Variants in NPEPL1 observed in about 807,000 individuals in gnomAD.
The protein encoded by NPEPL1 is aminopeptidase like 1.
A neutral mutation model predicts 52.4 loss-of-function variants in NPEPL1; 45 were observed. The observed-to-expected ratio is 0.86, with a 90% CI of 0.68 to 1.10. NPEPL1 has a LOEUF of 1.10. Among genes scored for constraint, NPEPL1 ranks in the 50% least tolerant of loss-of-function variants. The pLI is 0.00. For missense variants in NPEPL1, 696 were observed against 710.9 expected, an observed-to-expected ratio of 0.98 and a Z score of 0.24; for synonymous variants, 360 against 314.7, an observed-to-expected ratio of 1.14 and a Z score of -1.52.
upstream of NPEPL1, chr20:58,691,061 T>C (rs1365780218): frequency 2.4e-5 from 17 of 702,282 alleles, no homozygotes; most frequent in Middle Eastern, 4.9e-4. Context: ...AGGCCTTCTT[T>C]CTCAATCTCT....
Position 58,713,743 on chromosome 20 carries a change from G to A in NPEPL1, c.1126-174G>A, listed in dbSNP as rs988102242. 1.0e-5 allele frequency: 11 copies of A among 1,050,214 alleles called. No individual in the cohort carries two copies. The highest frequency in any genetic ancestry group is 5.8e-5 in the South Asian group (3 of 51,560). 65.1% of individuals were successfully genotyped at this position (1,050,214 alleles called of 1,614,324 possible). The stretch of plus-strand genomic sequence containing the variant: ...CAGGCTGGATGCAGAGCCGGGAACC[G>A]CCTCCTGTGTGCTTCATGGCCATGG... On this transcript the variant is annotated intron_variant, in intron 9 of 11. Transcript: ENST00000356091. The surrounding 1 kb of genome is among the most constrained non-coding windows in gnomAD (Gnocchi z 4.6).
rs1465701570 is a variant in NPEPL1, at chr20:58,714,019, C to T, written c.1228C>T (p.Pro410Ser). The change falls in exon 10 of 12, where the codon CCG becomes TCG. Residue 410 changes from proline to serine, a missense_variant. By Grantham distance (74) the Pro-to-Ser change is moderately conservative. Coordinates refer to ENST00000356091, the MANE Select transcript of NPEPL1 (RefSeq NM_024663.4). ...CAGGAAGTGTGGGGACCTGGTGCAC[C>T]CGCTGGTCTACTGCCCCGAGCTGCA... The part of the protein sequence containing the change: ...AGRKCGDLVH[P>S]LVYCPELHFS... 2 of 1,529,258 alleles carry T rather than the reference C, an allele frequency of 1.3e-6. No individual in the cohort carries two copies. The highest frequency in any genetic ancestry group is 2.8e-5 in the African/African-American group (2 of 71,464). The allele number at this position is 1,529,258 out of a possible 1,614,324, so 94.7% of individuals were successfully genotyped here.
upstream of NPEPL1, chr20:58,691,827 T>C (rs2123068352): frequency 6.5e-7 from 1 of 1,544,240 alleles, no homozygotes; most frequent in Non-Finnish European, 8.8e-7. Context: ...AATCAGGATG[T>C]TGGGTAACAG....
At chr20:58,703,924 C>T in intron 6 of NPEPL1, 1 of 985,312 alleles carries the variant, frequency 1.0e-6, no homozygotes, top group Non-Finnish European at 1.2e-6. Context: ...GGTCTGCAGA[C>T]CCCATAATAC....
At chr20:58,691,565 G>A (rs1421241972), upstream of NPEPL1, 1 of 641,914 alleles carries the variant, frequency 1.6e-6, no homozygotes, top group African/African-American at 1.8e-5. Context: ...CAGGGAAGGT[G>A]AAAGCCTGGC....
At chr20:58,698,578 C>T (rs2084540489) in intron 3 of NPEPL1, 106 bp from the exon 4 acceptor site, 2 of 882,258 alleles carry the variant, frequency 2.3e-6, no homozygotes, top group Admixed American at 1.9e-5. Context: ...CTGTCAGTAG[C>T]CCTGTGGGTG....
intron 2 of NPEPL1, 61 bp downstream of exon 2, chr20:58,693,983 C>T: frequency 6.9e-7 from 1 of 1,456,406 alleles, no homozygotes; most frequent in Non-Finnish European, 9.2e-7. Flanking sequence ...GAGCTCGGGC[C>T]TGGGGAGCTC....
rs201735479 is a variant in NPEPL1 at position 58,715,323 on chromosome 20, G to A, written c.1569G>A (p.Val523=). The A allele has an allele frequency of 7.6e-5, 122 of 1,603,666 alleles. No individual in the cohort carries two copies. In the African/African-American group the frequency reaches 1.5e-3, roughly 20 times the overall value. Residue 523 remains valine (V), a synonymous_variant, in exon 12 of 12, where the codon GTG becomes GTA. Transcript: ENST00000356091. ...LGRDSKRRRL[V] is the part of the protein sequence containing the mutation. The stretch of plus-strand genomic sequence containing the variant: ...GGGACTCCAAGAGACGCAGGCTTGT[G>A]TGAGCCTCCTGCCTCGGCCCTGACA...
chr20:58,715,011 A>G, intron 11 of NPEPL1, 157 bp from the exon 12 acceptor site: 1 of 836,644 alleles, frequency 1.2e-6, no homozygotes, highest in Non-Finnish European at 1.8e-6. Flanking sequence ...AGCCAGCAGC[A>G]TGGAAGGCTC....
Position 58,713,856 on chromosome 20 carries a change from G to T in NPEPL1, c.1126-61G>T. 7.1e-7 allele frequency: 1 copy of T among 1,400,160 alleles called. No homozygotes were observed. Among genetic ancestry groups the T allele is most frequent in the South Asian group, 1.7e-5 (1 of 59,726 alleles). The allele number at this position is 1,400,160 out of a possible 1,614,324, so 86.7% of individuals were successfully genotyped here. A position where few individuals can be genotyped will look rare whatever the true frequency, so the allele number is the denominator to read the frequency against. ...CTGTCTGCCTCCCGGTCCCTCTTTT[G>T]CCTTGGGTGTTTCTCTCCTGCCGTC... On this transcript the variant is annotated intron_variant, in intron 9 of 11. Transcript: ENST00000356091. This position sits in a 1 kb window ranked among gnomAD's most constrained non-coding sequence, Gnocchi z 4.6.
chr20:58,698,205 G>A (rs982111374), intron 3 of NPEPL1, among the ~76,000 whole-genome samples: 1 of 152,062 alleles, frequency 6.6e-6, no homozygotes, highest in Middle Eastern at 3.2e-3. Context: ...ATCTGGAAAA[G>A]CTACTGGTAG....
At chr20:58,689,953 T>G (rs916046596), upstream of NPEPL1, among the ~76,000 whole-genome samples, 1 of 152,220 alleles carries the variant, frequency 6.6e-6, no homozygotes. Flanking sequence ...ACGAAGCAGA[T>G]GCACCGAGGA....
intron 8 of NPEPL1, 194 bp downstream of exon 8, chr20:58,712,773 A>T (rs1168436390): frequency 1.5e-6 from 1 of 681,170 alleles, no homozygotes; most frequent in South Asian, 1.5e-5. Flanking sequence ...GGCCCATGGC[A>T]CCTGGATGAG....
At chr20:58,691,791 A>AG, upstream of NPEPL1, 1 of 1,541,120 alleles carries the variant, frequency 6.5e-7, no homozygotes, top group South Asian at 1.2e-5. Context: ...GTAACAGAGG[A>AG]GGGTACCAAC....
chr20:58,701,174 G>A lies in NPEPL1; in HGVS notation c.822+16G>A. On this transcript the variant is annotated intron_variant, in intron 6 of 11. Transcript: ENST00000356091. The stretch of plus-strand genomic sequence containing the variant: ...CAAAGGGAAGGTGAGGTGCGGGCTG[G>A]CTCTCAGGGTGCCCTGGGGGAGGGG... The A allele has an allele frequency of 6.6e-7, 1 of 1,509,056 alleles. No homozygotes were observed. Among genetic ancestry groups the A allele is most frequent in the Admixed American group, 2.1e-5 (1 of 48,352 alleles). 93.5% of individuals were successfully genotyped at this position (1,509,056 alleles called of 1,614,324 possible).
upstream of NPEPL1, chr20:58,691,717 T>TTG: frequency 1.3e-6 from 1 of 747,886 alleles, no homozygotes; most frequent in African/African-American, 1.9e-5. Context: ...TTTTTTTTCA[T>TTG]TTTTAGGCTG....
intron 7 of NPEPL1, among the ~76,000 whole-genome samples, chr20:58,709,694 G>A (rs925821060): frequency 6.6e-6 from 1 of 152,236 alleles, no homozygotes; most frequent in African/African-American, 2.4e-5. Context: ...CAGTGTACAG[G>A]GAAGGACAGA....
At chr20:58,705,426 G>A (rs2084718095) in intron 6 of NPEPL1, 1 of 455,648 alleles carries the variant, frequency 2.2e-6, no homozygotes, top group Admixed American at 2.4e-5. Context: ...AGGGTTGAGA[G>A]TTTTAAAAAT....
Position 58,692,982 on chromosome 20 carries a change from C to T in NPEPL1, c.82C>T (p.Leu28=). ...CCGGCCCCTGCTGCTGCTCGGGCAG[C>T]TGCACCACCTGCACCGCGTGCCCTG... ...QSRPLLLLGQ[L]HHLHRVPWSH... Residue 28 remains leucine, a synonymous_variant, in exon 1 of 12, where the codon CTG becomes TTG. Coordinates refer to ENST00000356091, the MANE Select transcript of NPEPL1 (RefSeq NM_024663.4). The surrounding 1 kb of genome is among the most constrained non-coding windows in gnomAD (Gnocchi z 5.7). The T allele has an allele frequency of 1.7e-6, 2 of 1,172,856 alleles. No individual in the cohort carries two copies. Among genetic ancestry groups the T allele is most frequent in the Non-Finnish European group, 2.1e-6 (2 of 931,800 alleles). The allele number at this position is 1,172,856 out of a possible 1,614,324, so 72.7% of individuals were successfully genotyped here.
Sources: allele counts gnomAD v4.1 joint callset (sites outside exome capture counted in the v4.1 genomes callset), GRCh38; gene constraint gnomAD v4.1.1; non-coding constraint Gnocchi (gnomAD v3.1); transcripts MANE v1.5; gene names NCBI Gene and HGNC (gene_info 2026-07-23, HGNC 2026-07-21).